AK9: variants seen among roughly 807,000 people sequenced by gnomAD.
The protein encoded by AK9 is adenylate kinase 9.
In AK9, 191 loss-of-function variants were observed where a neutral mutation model predicts 239.6. The ratio of observed to expected loss-of-function variants is 0.80; its 90% CI spans 0.71 to 0.90. The LOEUF (loss-of-function observed/expected upper bound fraction) is 0.90. Ranked by LOEUF, AK9 falls within the 40% of genes least tolerant of loss-of-function variation. AK9 has a pLI of 0.00. For missense variants in AK9, 1,995 were observed against 2,214.7 expected, an observed-to-expected ratio of 0.90 and a Z score of 1.99; for synonymous variants, 689 against 721.0, an observed-to-expected ratio of 0.96 and a Z score of 0.71.
intron 30 of AK9, among the ~76,000 whole-genome samples, 157 bp from the exon 31 acceptor site, chr6:109,516,232 C>T (rs2128116427): frequency 6.6e-6 from 1 of 152,274 alleles, no homozygotes; most frequent in East Asian, 1.9e-4. Flanking sequence ...ACTAAACTTA[C>T]TCTGACCCTC....
intron 9 of AK9, among the ~76,000 whole-genome samples, chr6:109,643,794 T>A (rs1273661127): frequency 6.6e-6 from 1 of 152,114 alleles, no homozygotes; most frequent in Admixed American, 6.5e-5. Flanking sequence ...ACCACTATGC[T>A]CTTTCTGGCC....
intron 25 of AK9, among the ~76,000 whole-genome samples, chr6:109,549,426 G>A (rs1349595708): frequency 1.3e-5 from 2 of 152,070 alleles, no homozygotes; most frequent in Admixed American, 6.5e-5. Context: ...CCAAAATCCT[G>A]TAAAAGACCA....
intron 21 of AK9, among the ~76,000 whole-genome samples, chr6:109,569,915 C>G (rs1258315579): frequency 1.3e-5 from 2 of 152,180 alleles, no homozygotes; most frequent in East Asian, 3.8e-4. Context: ...TTTGACCCAG[C>G]CATCCCATTA....
intron 27 of AK9, among the ~76,000 whole-genome samples, chr6:109,534,381 A>G (rs1781692496): frequency 6.7e-6 from 1 of 150,176 alleles, no homozygotes; most frequent in Non-Finnish European, 1.5e-5. Flanking sequence ...TGTTTAATTG[A>G]GAGAGTCAAT....
intron 8 of AK9, among the ~76,000 whole-genome samples, chr6:109,652,067 A>T (rs1799040878): frequency 6.6e-6 from 1 of 152,228 alleles, no homozygotes; most frequent in African/African-American, 2.4e-5. Context: ...GGCCAGCATC[A>T]TCCTGATACC....
intron 22 of AK9, 133 bp from the exon 23 acceptor site, chr6:109,564,413 A>C (rs1338950350): frequency 1.1e-5 from 7 of 609,946 alleles, no homozygotes; most frequent in Non-Finnish European, 1.9e-5. Flanking sequence ...AACAATATAC[A>C]TTCATAAATT....
At chr6:109,678,469 G>A (rs780306910) in intron 1 of AK9, among the ~76,000 whole-genome samples, 6 of 152,104 alleles carry the variant, frequency 3.9e-5, no homozygotes, top group African/African-American at 9.7e-5. Context: ...GAATGGAAAC[G>A]TTCTCTATCT....
intron 1 of AK9, among the ~76,000 whole-genome samples, chr6:109,678,020 T>G (rs1772016450): frequency 6.6e-6 from 1 of 152,166 alleles, no homozygotes; most frequent in African/African-American, 2.4e-5. Context: ...CTTAAAAAAC[T>G]AAACATGCAA....
intron 21 of AK9, among the ~76,000 whole-genome samples, chr6:109,568,413 T>C (rs2128189622): frequency 6.6e-6 from 1 of 152,264 alleles, no homozygotes; most frequent in South Asian, 2.1e-4. Context: ...AACATAGTGT[T>C]GGAAGTTCTG....
intron 17 of AK9, among the ~76,000 whole-genome samples, chr6:109,588,026 T>C (rs376135924): frequency 1.3e-5 from 2 of 152,190 alleles, no homozygotes; most frequent in East Asian, 3.8e-4. Context: ...AATGTACATT[T>C]CTCTGATGAT....
chr6:109,585,012 A>G (rs191218262), intron 19 of AK9, 111 bp downstream of exon 19: 1 of 757,450 alleles, frequency 1.3e-6, no homozygotes, highest in African/African-American at 1.9e-5. Flanking sequence ...AGATCAAGAT[A>G]ATAAATTATC....
chr6:109,615,233 AT>A (rs1243482391), intron 13 of AK9, among the ~76,000 whole-genome samples: 1 of 128,222 alleles, frequency 7.8e-6, no homozygotes, highest in African/African-American at 2.8e-5. Context: ...ACCATGTTGT[AT>A]TTTTTTTCCA....
intron 21 of AK9, among the ~76,000 whole-genome samples, chr6:109,572,267 T>C (rs77238423): frequency 0.021 from 3,206 of 152,240 alleles, 102 homozygotes; most frequent in African/African-American, 0.074. Context: ...TTCTATTCCA[T>C]TGGCTTCTAC....
At chr6:109,529,748 G>A (rs939713522) in intron 28 of AK9, among the ~76,000 whole-genome samples, 9 of 152,126 alleles carry the variant, frequency 5.9e-5, no homozygotes, top group African/African-American at 2.2e-4. Context: ...TAGATCCCTT[G>A]CATGCACAAT....
At chr6:109,560,533 T>C (rs1242190128) in intron 24 of AK9, among the ~76,000 whole-genome samples, 1 of 152,222 alleles carries the variant, frequency 6.6e-6, no homozygotes, top group Non-Finnish European at 1.5e-5. Context: ...TCATGGTTTT[T>C]CCCCTCAGTT....
At chr6:109,502,946 A>G (rs571715009) in intron 35 of AK9, among the ~76,000 whole-genome samples, 8 of 145,976 alleles carry the variant, frequency 5.5e-5, no homozygotes, top group African/African-American at 2.1e-4. Flanking sequence ...TTTCTGACCC[A>G]CAGGAACGGT....
At chr6:109,548,262 T>C (rs1026717444) in intron 25 of AK9, among the ~76,000 whole-genome samples, 1 of 152,156 alleles carries the variant, frequency 6.6e-6, no homozygotes, top group African/African-American at 2.4e-5. Context: ...AATAAACTCA[T>C]ATGAACTTGT....
At chr6:109,543,881 G>A (rs1783197519) in intron 26 of AK9, among the ~76,000 whole-genome samples, 1 of 152,120 alleles carries the variant, frequency 6.6e-6, no homozygotes, top group South Asian at 2.1e-4. Context: ...CATTTTGGGA[G>A]GCCAAGGTGA....
Position 109,516,254 on chromosome 6 carries a change from C to T in AK9, c.3846+176G>A, listed in dbSNP as rs138371001. Among the ~76,000 whole-genome samples the T allele has an allele frequency of 2.0e-3, 302 of 152,200 alleles. 3 individuals are homozygous for T. Among genetic ancestry groups the T allele is most frequent in the African/African-American group, 7.0e-3 (290 of 41,522 alleles). ...TTACTCTGACCCTCTGTGGCTTCCA[C>T]GTTGCTCTTAATTTATGGACTTATT... is the stretch of plus-strand genomic sequence containing the variant. On this transcript the variant is annotated intron_variant, in intron 30 of 40. Coordinates refer to ENST00000424296, the MANE Select transcript of AK9 (RefSeq NM_001145128.3).
Sources: gnomAD v4.1 joint callset for allele counts (sites outside exome capture counted in the v4.1 genomes callset) on GRCh38, gnomAD v4.1.1 for gene constraint, MANE v1.5 for transcripts, NCBI Gene and HGNC (gene_info 2026-07-23, HGNC 2026-07-21) for gene names.